Variants in CD8B observed in about 807,000 individuals in gnomAD.
CD8B encodes CD8 subunit beta.
A neutral mutation model predicts 24.2 loss-of-function variants in CD8B; 6 were observed. That is an observed-to-expected ratio of 0.25 (90% confidence interval 0.14 to 0.49). The LOEUF is 0.49. Ranked by LOEUF, CD8B falls within the 20% of genes least tolerant of loss-of-function variation. CD8B has a pLI of 0.98. For synonymous variants in CD8B, 84 were observed against 108.3 expected, an observed-to-expected ratio of 0.78 and a Z score of 1.39; for missense variants, 196 against 271.3, an observed-to-expected ratio of 0.72 and a Z score of 1.95.
At chr2:86,827,022 T>C (rs1421414295) in intron 5 of CD8B, among the ~76,000 whole-genome samples, 1 of 151,962 alleles carries the variant, frequency 6.6e-6, no homozygotes, top group African/African-American at 2.4e-5. Flanking sequence ...GGTTTCACCA[T>C]GTTGGCCAGG....
chr2:86,841,714 C>G lies in CD8B; in HGVS notation c.*593G>C, dbSNP rs529527396. ...AGAAACTTAAGAGTAGAAATGGGAG[C>G]TGAGAAGATGAAGTGAACTCCTATC... On this transcript the variant is annotated 3_prime_UTR_variant, in exon 6 of 6. Transcript: ENST00000390655. 1 of 985,500 alleles carries G rather than the reference C, an allele frequency of 1.0e-6. No homozygotes were observed. Among genetic ancestry groups the G allele is most frequent in the East Asian group, 1.1e-4 (1 of 8,798 alleles). The allele number at this position is 985,500 out of a possible 1,614,324, so 61.0% of individuals were successfully genotyped here. A position where few individuals can be genotyped will look rare whatever the true frequency, so the allele number is the denominator to read the frequency against.
intron 5 of CD8B, among the ~76,000 whole-genome samples, chr2:86,826,035 A>G (rs915903456): frequency 2.3e-4 from 35 of 151,976 alleles, no homozygotes; most frequent in African/African-American, 8.5e-4. Flanking sequence ...ACATTTGCAG[A>G]CCAAGCAGGC....
In CD8B at chr2:86,841,864, T is replaced by G. The variant is rs939459540; in HGVS notation, c.*443A>C. Reference sequence around the variant, plus strand: ...GCACCTGGCCTCTCTGCGAGGAAGGTCAGCCCCAGCCTGGGAAGACCAAGA... The same window carrying G: ...GCACCTGGCCTCTCTGCGAGGAAGGGCAGCCCCAGCCTGGGAAGACCAAGA... On this transcript the variant is annotated 3_prime_UTR_variant, in exon 6 of 6. Transcript: ENST00000390655. 1 of 986,614 alleles carries G rather than the reference T, an allele frequency of 1.0e-6. No individual in the cohort carries two copies. Among genetic ancestry groups the G allele is most frequent in the African/African-American group, 1.7e-5 (1 of 57,254 alleles). The allele number at this position is 986,614 out of a possible 1,614,324, so 61.1% of individuals were successfully genotyped here.
In CD8B at chr2:86,839,017, T is replaced by G. The variant is rs1193578064; in HGVS notation, c.*3290A>C. ...AAGCAGAAATGCTCACCTTCAAACC[T>G]CATGCTCCCTCCTAATGACCACCAC... On this transcript the variant is annotated 3_prime_UTR_variant, in exon 6 of 6. Transcript: ENST00000390655. Among the ~76,000 whole-genome samples, 4 of 152,212 alleles carry G rather than the reference T, an allele frequency of 2.6e-5. No individual in the cohort carries two copies. Among genetic ancestry groups the G allele is most frequent in the African/African-American group, 9.6e-5 (4 of 41,460 alleles).
In CD8B at chr2:86,823,526, T is replaced by G. The variant is rs963295330; in HGVS notation, c.621-7808A>C. Among the ~76,000 whole-genome samples the G allele has an allele frequency of 3.3e-5, 5 of 152,264 alleles. No homozygotes were observed. In the East Asian group the frequency reaches 9.7e-4, roughly 29 times the overall value. On this transcript the variant is annotated intron_variant, in intron 5 of 5. Coordinates refer to the CD8B transcript ENST00000331469. The stretch of plus-strand genomic sequence containing the variant: ...AACTCCTAGGCCCAAGGGATCCTCC[T>G]ACTTCAGCCTTTCAAAGTGCTGAGA...
intron 5 of CD8B, among the ~76,000 whole-genome samples, chr2:86,820,426 A>G (rs895448844): frequency 2.0e-5 from 3 of 152,372 alleles, no homozygotes; most frequent in African/African-American, 7.2e-5. Context: ...GTCAGCAGCC[A>G]TTGACATCAA....
chr2:86,854,908 G>A (rs1676158819), intron 2 of CD8B, among the ~76,000 whole-genome samples: 1 of 152,128 alleles, frequency 6.6e-6, no homozygotes, highest in East Asian at 1.9e-4. Context: ...ATCACCTGAG[G>A]TCAGGAGTCC....
At chr2:86,853,993 G>A (rs1676106657) in intron 2 of CD8B, among the ~76,000 whole-genome samples, 1 of 152,004 alleles carries the variant, frequency 6.6e-6, no homozygotes, top group African/African-American at 2.4e-5. Context: ...CACTCACCTC[G>A]GCCTCCAAAA....
In CD8B at chr2:86,858,105, C is replaced by A. The variant is rs375735227; in HGVS notation, c.355G>T (p.Val119Phe). The A allele has an allele frequency of 3.1e-6, 5 of 1,613,836 alleles. No homozygotes were observed. The African/African-American group carries it at 6.7e-5, about 22-fold the overall frequency. ...CCGAAGGTCAGCTCGGGGCTCCCGA[C>A]GATCATGCAGAAGTAGATGCCACTG... ...EDSGIYFCMIVGSPELTFGKG... is the reference protein window; with the variant it reads ...EDSGIYFCMIFGSPELTFGKG... The change falls in exon 2 of 6, where the codon GTC (valine) becomes TTC (phenylalanine). Residue 119 changes from valine (V) to phenylalanine (F), a missense_variant. Physicochemically the swap from Val to Phe is conservative, Grantham distance 50. Coordinates refer to ENST00000390655, the MANE Select transcript of CD8B (RefSeq NM_004931.5).
intron 4 of CD8B, among the ~76,000 whole-genome samples, chr2:86,846,339 G>A (rs1243792488): frequency 2.0e-5 from 3 of 152,118 alleles, no homozygotes; most frequent in African/African-American, 7.2e-5. Flanking sequence ...GACACGTGCC[G>A]GGTGCCAGGC....
intron 5 of CD8B, chr2:86,843,671 G>C (rs1675538666): frequency 3.0e-6 from 3 of 985,300 alleles, no homozygotes; most frequent in Non-Finnish European, 3.6e-6. Context: ...GTCCATTGCT[G>C]CACTTGCAGA....
Position 86,841,829 on chromosome 2 carries a change from T to G in CD8B, c.*478A>C, listed in dbSNP as rs1309755761. 17 of 986,044 alleles carry G rather than the reference T, an allele frequency of 1.7e-5. No individual in the cohort carries two copies. The highest frequency in any genetic ancestry group is 1.8e-5 in the Non-Finnish European group (15 of 830,450). The allele number at this position is 986,044 out of a possible 1,614,324, so 61.1% of individuals were successfully genotyped here. ...GGACAGCCCCTCTCAGCAAGCCTCA[T>G]TCCCAACCTGCACCTGGCCTCTCTG... On this transcript the variant is annotated 3_prime_UTR_variant, in exon 6 of 6. Transcript: ENST00000390655.
In CD8B at chr2:86,842,236, C is replaced by A; in HGVS notation, c.*71G>T. The A allele has an allele frequency of 2.0e-6, 3 of 1,518,384 alleles. No individual in the cohort carries two copies. The highest frequency in any genetic ancestry group is 2.6e-6 in the Non-Finnish European group (3 of 1,134,290). 94.1% of individuals were successfully genotyped at this position (1,518,384 alleles called of 1,614,324 possible). On this transcript the variant is annotated 3_prime_UTR_variant, in exon 6 of 6. Transcript: ENST00000390655. ...CCAGGGTTGAATGTGTCCCTTCTCT[C>A]ATTTTTCCACATCGTGCTCGTTACT...
chr2:86,826,596 T>C (rs4832049), intron 5 of CD8B, among the ~76,000 whole-genome samples: 121,284 of 151,996 alleles, frequency 0.8, 48,901 homozygotes, highest in East Asian at 0.98. Flanking sequence ...ATCCTGCCTG[T>C]ATAGATACCT....
Position 86,838,561 on chromosome 2 carries a change from T to G in CD8B, c.*3746A>C, listed in dbSNP as rs562893612. 6.6e-6 allele frequency among the ~76,000 whole-genome samples: 1 copy of G among 152,312 alleles called. No individual in the cohort carries two copies. Among genetic ancestry groups the G allele is most frequent in the East Asian group, 1.9e-4 (1 of 5,190 alleles). ...TTGCCCAGGCTGGAGTGCAGTGGCG[T>G]GATCACAGCTCACTGCAGTCTGAAA... On this transcript the variant is annotated 3_prime_UTR_variant, in exon 6 of 6. Coordinates refer to ENST00000390655, the MANE Select transcript of CD8B (RefSeq NM_004931.5).
rs191332726 is a variant in CD8B, at chr2:86,843,020, C to T, written c.621-701G>A. ...GTTAAAATGAAGGGGTGGGGACAGA[C>T]CCAGACCACAGTTAGTACCAGAGAG... On this transcript the variant is annotated intron_variant, in intron 5 of 5. Transcript: ENST00000390655. Among the ~76,000 whole-genome samples, 216 of 152,234 alleles carry T rather than the reference C, an allele frequency of 1.4e-3. 1 individual carries two copies. The highest frequency in any genetic ancestry group is 5.0e-3 in the African/African-American group (208 of 41,542).
At chr2:86,821,392 A>T (rs1396132209) in intron 5 of CD8B, among the ~76,000 whole-genome samples, 2 of 152,204 alleles carry the variant, frequency 1.3e-5, no homozygotes, top group East Asian at 1.9e-4. Flanking sequence ...AACCAACAGG[A>T]AAAAGAACGC....
At chr2:86,829,510 G>A (rs1362643961) in intron 5 of CD8B, among the ~76,000 whole-genome samples, 1 of 152,132 alleles carries the variant, frequency 6.6e-6, no homozygotes, top group Non-Finnish European at 1.5e-5. Flanking sequence ...AAAATAAAAA[G>A]AGAAAGCAGA....
chr2:86,829,459 A>C (rs1270160096), intron 5 of CD8B, among the ~76,000 whole-genome samples: 1 of 152,100 alleles, frequency 6.6e-6, no homozygotes, highest in African/African-American at 2.4e-5. Context: ...TTAGGGAAAA[A>C]GGAGTCAGGC....
Sources: gnomAD v4.1 joint callset for allele counts (sites outside exome capture counted in the v4.1 genomes callset) on GRCh38, gnomAD v4.1.1 for gene constraint, MANE v1.5 for transcripts, NCBI Gene and HGNC (gene_info 2026-07-23, HGNC 2026-07-21) for gene names.